The following PTPRT variants were observed in gnomAD, a reference collection of about 807,000 sequenced individuals.
The protein encoded by PTPRT is receptor-type tyrosine-protein phosphatase T.
Under a neutral mutation model 176.8 loss-of-function variants are expected in PTPRT, and 56 were observed. That is an observed-to-expected ratio of 0.32 (90% CI 0.26 to 0.40). PTPRT has a LOEUF of 0.40. Among genes scored for constraint, PTPRT ranks in the 10% least tolerant of loss-of-function variants. PTPRT has a pLI of 1.00. For synonymous variants in PTPRT, 783 were observed against 739.0 expected (o/e 1.06, Z -0.96); for missense variants, 1,540 against 1,908.2 (o/e 0.81, Z 3.60).
At chr20:42,846,858 G>C (rs569182504) in intron 2 of PTPRT, among the ~76,000 whole-genome samples, 1 of 152,264 alleles carries the variant, frequency 6.6e-6, no homozygotes, top group African/African-American at 2.4e-5. Flanking sequence ...GGTCTCCCTC[G>C]AAAAGAATCA....
At chr20:43,059,564 C>T (rs1161053086) in intron 1 of PTPRT, among the ~76,000 whole-genome samples, 1 of 152,194 alleles carries the variant, frequency 6.6e-6, no homozygotes, top group Non-Finnish European at 1.5e-5. Flanking sequence ...GCAGAATGGC[C>T]TTTACCATCC....
chr20:43,066,939 T>A (rs554994814), intron 1 of PTPRT, among the ~76,000 whole-genome samples: 1 of 152,340 alleles, frequency 6.6e-6, no homozygotes, highest in South Asian at 2.1e-4. Flanking sequence ...AGAGACCCTG[T>A]GGCCCACAAA....
chr20:42,429,860 G>A (rs1051528787), intron 9 of PTPRT, among the ~76,000 whole-genome samples: 5 of 152,168 alleles, frequency 3.3e-5, no homozygotes, highest in Non-Finnish European at 7.3e-5. Flanking sequence ...GGAGGAAGAG[G>A]GAAAAGATAG....
At chr20:42,940,890 A>G (rs1405021405) in intron 1 of PTPRT, among the ~76,000 whole-genome samples, 1 of 151,850 alleles carries the variant, frequency 6.6e-6, no homozygotes, top group Non-Finnish European at 1.5e-5. Flanking sequence ...AACCAGCCTG[A>G]CCAATAAGGT....
chr20:42,914,587 G>C (rs1245515582), intron 1 of PTPRT, among the ~76,000 whole-genome samples: 1 of 152,148 alleles, frequency 6.6e-6, no homozygotes, highest in Non-Finnish European at 1.5e-5. Context: ...CAGATTCAAA[G>C]GCTACAGAAT....
chr20:42,541,486 C>T (rs932395506), intron 7 of PTPRT, among the ~76,000 whole-genome samples: 1 of 146,050 alleles, frequency 6.8e-6, no homozygotes, highest in South Asian at 2.1e-4. Flanking sequence ...AAGAGATACA[C>T]TAGTATCTAG....
rs768631566 is a variant in PTPRT, at chr20:42,315,934, A to G, written c.1928T>C (p.Ile643Thr). Residue 643 changes from isoleucine (I) to threonine (T), a missense_variant, in exon 12 of 31, where the codon ATT becomes ACT. Physicochemically the swap from Ile to Thr is moderately conservative, Grantham distance 89. Transcript: ENST00000373187. Reference sequence around the variant, plus strand: ...GCTCACGGGCACCGAAAAGCACTCAATAATGTCAGCTGCCCTCCGTGACTT... The same window carrying G: ...GCTCACGGGCACCGAAAAGCACTCAGTAATGTCAGCTGCCCTCCGTGACTT... The part of the protein sequence containing the change: ...LQKSRRAADI[I>T]ECFSVPVSYR... 3 of 1,614,150 alleles carry G rather than the reference A, an allele frequency of 1.9e-6. No individual in the cohort carries two copies. Among genetic ancestry groups the G allele is most frequent in the African/African-American group, 1.3e-5 (1 of 75,046 alleles).
chr20:42,359,116 C>G (rs1283200369), intron 9 of PTPRT, among the ~76,000 whole-genome samples: 1 of 152,172 alleles, frequency 6.6e-6, no homozygotes, highest in East Asian at 1.9e-4. Flanking sequence ...ACCTCCTGAT[C>G]AGAATGTCCG....
intron 11 of PTPRT, among the ~76,000 whole-genome samples, chr20:42,319,100 C>G (rs187417488): frequency 6.6e-6 from 1 of 152,258 alleles, no homozygotes; most frequent in East Asian, 1.9e-4. Flanking sequence ...AGCTCTTTCT[C>G]CCCACCAATC....
At chr20:42,407,012 G>A (rs1201293851) in intron 9 of PTPRT, among the ~76,000 whole-genome samples, 1 of 152,170 alleles carries the variant, frequency 6.6e-6, no homozygotes, top group East Asian at 1.9e-4. Flanking sequence ...TAGAGGGGAT[G>A]AGATCCTACC....
rs150949317 is a variant in PTPRT at position 42,969,909 on chromosome 20, A to G, written c.89-83977T>C. On this transcript the variant is annotated intron_variant, in intron 1 of 30. Coordinates refer to ENST00000373187, the MANE Select transcript of PTPRT (RefSeq NM_007050.6). ...CTAAATCCGAGCACATTTGGCCCCAAGGACTGCAGACAAGAAATTGAGAAC... is the reference window on the plus strand; with the variant it reads ...CTAAATCCGAGCACATTTGGCCCCAGGGACTGCAGACAAGAAATTGAGAAC... 3.2e-3 allele frequency among the ~76,000 whole-genome samples: 490 copies of G among 152,298 alleles called. 1 individual carries two copies. Among genetic ancestry groups the G allele is most frequent in the Admixed American group, 5.2e-3 (79 of 15,286 alleles).
intron 2 of PTPRT, among the ~76,000 whole-genome samples, chr20:42,841,666 C>G (rs1407232807): frequency 6.7e-6 from 1 of 148,558 alleles, no homozygotes; most frequent in Admixed American, 6.9e-5. Flanking sequence ...CACATAATCT[C>G]TCTCTCCATT....
chr20:42,847,097 C>T (rs1349979229), intron 2 of PTPRT, among the ~76,000 whole-genome samples: 1 of 152,148 alleles, frequency 6.6e-6, no homozygotes, highest in African/African-American at 2.4e-5. Flanking sequence ...ATCAGGGTCA[C>T]CCTGGGCATG....
chr20:42,895,482 T>A (rs947407078), intron 1 of PTPRT, among the ~76,000 whole-genome samples: 1 of 152,154 alleles, frequency 6.6e-6, no homozygotes, highest in African/African-American at 2.4e-5. Flanking sequence ...ATCAAGACAG[T>A]GAAATCCATC....
intron 1 of PTPRT, among the ~76,000 whole-genome samples, chr20:43,019,082 C>T (rs954731344): frequency 6.6e-6 from 1 of 151,994 alleles, no homozygotes; most frequent in African/African-American, 2.4e-5. Context: ...TACAATAGTA[C>T]TGAGTAAATT....
intron 7 of PTPRT, among the ~76,000 whole-genome samples, chr20:42,522,746 C>T (rs1292766808): frequency 6.6e-6 from 1 of 152,146 alleles, no homozygotes; most frequent in African/African-American, 2.4e-5. Flanking sequence ...CAGGTATGAG[C>T]CACCATGCCC....
intron 4 of PTPRT, among the ~76,000 whole-genome samples, chr20:42,774,436 G>A (rs796882172): frequency 4.6e-5 from 7 of 152,216 alleles, no homozygotes; most frequent in African/African-American, 1.7e-4. Context: ...GCAGAGGAAG[G>A]CCAGGCATGC....
chr20:42,349,953 G>A (rs1435692807), intron 11 of PTPRT, among the ~76,000 whole-genome samples: 1 of 152,174 alleles, frequency 6.6e-6, no homozygotes, highest in African/African-American at 2.4e-5. Flanking sequence ...TTGACAGCAA[G>A]TGCCCCTATG....
intron 7 of PTPRT, among the ~76,000 whole-genome samples, chr20:42,516,918 T>C (rs1167547194): frequency 6.6e-6 from 1 of 152,182 alleles, no homozygotes; most frequent in East Asian, 1.9e-4. Flanking sequence ...TGCATAAACC[T>C]GGCTCTTGCA....
Sources: gnomAD v4.1 joint callset for allele counts (sites outside exome capture counted in the v4.1 genomes callset) on GRCh38, gnomAD v4.1.1 for gene constraint, MANE v1.5 for transcripts, NCBI Gene and HGNC (gene_info 2026-07-23, HGNC 2026-07-21) for gene names.